The following PIGN variants were observed in gnomAD, a reference collection of about 807,000 sequenced individuals.
The protein encoded by PIGN is phosphatidylinositol glycan anchor biosynthesis class N.
A neutral mutation model predicts 125.4 loss-of-function variants in PIGN; 117 were observed. The observed-to-expected ratio is 0.93, with a 90% CI of 0.80 to 1.09. The LOEUF (loss-of-function observed/expected upper bound fraction) is 1.09, where lower values mean the gene tolerates loss of function less well. Among genes scored for constraint, PIGN ranks in the 50% least tolerant of loss-of-function variants. The probability of loss-of-function intolerance (pLI) is 0.00; values close to 1 mark genes in which losing one functional copy is unlikely to be tolerated. For missense variants in PIGN, 1,075 were observed against 1,094.9 expected (o/e 0.98, Z 0.26); for synonymous variants, 392 against 377.8 (o/e 1.04, Z -0.44).
intron 1 of PIGN, chr18:62,174,211 C>T (rs1306877653): frequency 1.4e-5 from 2 of 140,228 alleles, no homozygotes; most frequent in Non-Finnish European, 3.2e-5. Flanking sequence ...GAGACTCCAA[C>T]TCAAAAAAAA....
At chr18:62,078,869 CAAG>C (rs916663480) in intron 28 of PIGN, among the ~76,000 whole-genome samples, 2 of 152,188 alleles carry the variant, frequency 1.3e-5, no homozygotes, top group Admixed American at 1.3e-4. Context: ...TGTTCACTTG[CAAG>C]ACCCTTAATT....
intron 1 of PIGN, chr18:62,184,723 A>G (rs1014318011): frequency 2.0e-5 from 3 of 152,230 alleles, no homozygotes; most frequent in Admixed American, 2.0e-4. Context: ...CCCCAAATTA[A>G]AGATACTCCC....
intron 23 of PIGN, among the ~76,000 whole-genome samples, chr18:62,020,799 A>C (rs937848314): frequency 2.3e-5 from 2 of 88,646 alleles, no homozygotes; most frequent in South Asian, 5.6e-4. Flanking sequence ...AAATATTAAA[A>C]AAAAAAAAAA....
At chr18:62,071,863 CATATATATATATAT>C (rs61508545) in intron 30 of PIGN, among the ~76,000 whole-genome samples, 13,143 of 77,588 alleles carry the variant, frequency 0.17, 1,032 homozygotes, top group Middle Eastern at 0.26. Context: ...ACTCCTTTTC[CATATATATATATAT>C]ATATATATAT....
chr18:62,157,608 G>A, intron 5 of PIGN, 79 bp downstream of exon 5: 1 of 1,317,768 alleles, frequency 7.6e-7, no homozygotes, highest in Non-Finnish European at 1.1e-6. Flanking sequence ...CCTTCACTTT[G>A]TGACATGATT....
At chr18:62,163,396 A>G (rs2037023558) in intron 2 of PIGN, 135 bp downstream of exon 2, 1 of 152,172 alleles carries the variant, frequency 6.6e-6, no homozygotes, top group Non-Finnish European at 1.5e-5. Context: ...GAAGAAACCT[A>G]GATTAGTTAC....
intron 23 of PIGN, among the ~76,000 whole-genome samples, chr18:62,090,983 A>C (rs2033929265): frequency 6.6e-6 from 1 of 152,158 alleles, no homozygotes; most frequent in Admixed American, 6.6e-5. Context: ...ACAAACACGA[A>C]AATTATGTTT....
chr18:62,168,708 T>G (rs1431695624), intron 1 of PIGN, among the ~76,000 whole-genome samples: 1 of 152,192 alleles, frequency 6.6e-6, no homozygotes, highest in Non-Finnish European at 1.5e-5. Flanking sequence ...TTATAGCATT[T>G]TTATAGCTTT....
chr18:62,072,759 A>T, intron 29 of PIGN, 34 bp from the exon 30 acceptor site: 1 of 1,502,714 alleles, frequency 6.7e-7, no homozygotes, highest in Non-Finnish European at 9.0e-7. Context: ...ATGAAAAACA[A>T]AGCTATTTAG....
At chr18:62,161,079 C>G in intron 4 of PIGN, 54 bp downstream of exon 4, 2 of 1,214,494 alleles carry the variant, frequency 1.6e-6, no homozygotes, top group Non-Finnish European at 2.4e-6. Flanking sequence ...TTGCAGTTTA[C>G]TTAACTCAGA....
intron 30 of PIGN, among the ~76,000 whole-genome samples, chr18:62,064,014 A>G (rs1568133001): frequency 6.6e-6 from 1 of 152,076 alleles, no homozygotes; most frequent in African/African-American, 2.4e-5. Flanking sequence ...CCAACATGGC[A>G]CATGTATACA....
Position 62,105,534 on chromosome 18 carries a change from T to C in PIGN, c.1859+9A>G. 2 of 1,442,770 alleles carry C rather than the reference T, an allele frequency of 1.4e-6. No individual in the cohort carries two copies. Among genetic ancestry groups the C allele is most frequent in the Non-Finnish European group, 1.9e-6 (2 of 1,048,396 alleles). 89.4% of individuals were successfully genotyped at this position (1,442,770 alleles called of 1,614,324 possible). ...TTGAAAATAGAATAAAATACAATATTATTCATACACTAGAGAGATGTCTGG... is the reference window on the plus strand; with the variant it reads ...TTGAAAATAGAATAAAATACAATATCATTCATACACTAGAGAGATGTCTGG... On this transcript the variant is annotated intron_variant, in intron 20 of 30. Transcript: ENST00000640252.
At chr18:62,152,301 T>A (rs575435648) in intron 7 of PIGN, among the ~76,000 whole-genome samples, 31 of 152,150 alleles carry the variant, frequency 2.0e-4, no homozygotes, top group South Asian at 1.0e-3. Context: ...CTTTTTTTTT[T>A]AATTTTATTA....
chr18:62,052,531 C>CT (rs1424899318), intron 30 of PIGN: 2 of 138,168 alleles, frequency 1.4e-5, no homozygotes, highest in Non-Finnish European at 3.1e-5. Flanking sequence ...CAACCCCTGC[C>CT]TTTTTTTGTT....
At chr18:62,023,774 T>C (rs1369336292) in intron 23 of PIGN, among the ~76,000 whole-genome samples, 7 of 152,258 alleles carry the variant, frequency 4.6e-5, no homozygotes. Context: ...TGTCTGTGCA[T>C]GAACTGAGTA....
intron 27 of PIGN, among the ~76,000 whole-genome samples, chr18:62,082,963 G>A (rs1251083600): frequency 6.6e-6 from 1 of 152,058 alleles, no homozygotes; most frequent in Non-Finnish European, 1.5e-5. Context: ...GCTATACGAT[G>A]TAAAAGACAG....
At position 62,107,176 on chromosome 18, in the gene PIGN, A is replaced by C. The variant is rs142477355; in HGVS notation, c.1575-91T>G. On this transcript the variant is annotated intron_variant, in intron 17 of 30. Coordinates refer to ENST00000640252, the MANE Select transcript of PIGN (RefSeq NM_176787.5). ...TTTGCACAAAGCTAAAACACTACAT[A>C]ATTTTCCATTTATAGATTATTCAAA... 1.0e-3 allele frequency: 810 copies of C among 777,712 alleles called. 4 individuals carry two copies. In the African/African-American group the frequency reaches 0.012, roughly 11 times the overall value. The allele number at this position is 777,712 out of a possible 1,614,324, so 48.2% of individuals were successfully genotyped here. A position where few individuals can be genotyped will look rare whatever the true frequency, so the allele number is the denominator to read the frequency against.
chr18:62,170,168 T>C (rs528708191), intron 1 of PIGN, among the ~76,000 whole-genome samples: 1 of 152,332 alleles, frequency 6.6e-6, no homozygotes, highest in East Asian at 1.9e-4. Flanking sequence ...CTACCATTTG[T>C]ACGGATTTAA....
At chr18:62,163,437 A>G (rs1393260768) in intron 2 of PIGN, 94 bp downstream of exon 2, 1 of 152,124 alleles carries the variant, frequency 6.6e-6, no homozygotes, top group Non-Finnish European at 1.5e-5. Context: ...TTTGTTTTCA[A>G]TTTTGTTTCA....
Sources: allele counts gnomAD v4.1 joint callset (sites outside exome capture counted in the v4.1 genomes callset), GRCh38; gene constraint gnomAD v4.1.1; transcripts MANE v1.5; gene names NCBI Gene and HGNC (gene_info 2026-07-23, HGNC 2026-07-21).